Variants in ANKRD26 observed in about 807,000 individuals in gnomAD.
The protein encoded by ANKRD26 is ankyrin repeat domain-containing protein 26.
Under a neutral mutation model 208.7 loss-of-function variants are expected in ANKRD26, and 141 were observed. The observed-to-expected ratio is 0.68, with a 90% CI of 0.59 to 0.78. The LOEUF (loss-of-function observed/expected upper bound fraction) is 0.78. Ranked by LOEUF, ANKRD26 falls within the 30% of genes least tolerant of loss-of-function variation. ANKRD26 has a pLI of 0.00. For synonymous variants in ANKRD26, 636 were observed against 660.4 expected (o/e 0.96, Z 0.57); for missense variants, 1,889 against 1,938.7 (o/e 0.97, Z 0.48).
chr10:26,951,013 C>CTTTTCTTTTTTTTTTGTTTTTTTT, the ANKRD26 span, among the ~76,000 whole-genome samples: 1 of 100,974 alleles, frequency 9.9e-6, no homozygotes, highest in Non-Finnish European at 1.7e-5. Context: ...CTTTTCTTTT[C>CTTTTCTTTTTTTTTTGTTTTTTTT]TTTTTCTTTT....
chr10:26,972,181 G>C (rs2052158175), downstream of ANKRD26, among the ~76,000 whole-genome samples: 1 of 150,196 alleles, frequency 6.7e-6, no homozygotes, highest in South Asian at 2.1e-4. Context: ...CTTGCAGTGA[G>C]CCGAGATCGT....
intron 1 of ANKRD26, among the ~76,000 whole-genome samples, chr10:27,099,867 G>GT (rs919761694): frequency 0.2 from 82 of 418 alleles, no homozygotes; most frequent in African/African-American, 0.35. Context: ...TGCTCTCTAA[G>GT]GGATTTCGGG....
At chr10:26,988,467 C>CTTCCCATCTTCCTGATG (rs2052426123), downstream of ANKRD26, among the ~76,000 whole-genome samples, 1 of 152,098 alleles carries the variant, frequency 6.6e-6, no homozygotes, top group South Asian at 2.1e-4. Flanking sequence ...CATAGAGCCT[C>CTTCCCATCTTCCTGATG]AGGGAAAAAT....
intron 25 of ANKRD26, among the ~76,000 whole-genome samples, chr10:27,032,811 T>C (rs1486728533): frequency 6.7e-6 from 1 of 149,496 alleles, no homozygotes; most frequent in Non-Finnish European, 1.5e-5. Context: ...TGAGACTCTG[T>C]CTCAAAAAAA....
chr10:27,018,892 A>C (rs374884446), intron 29 of ANKRD26, among the ~76,000 whole-genome samples: 5 of 152,354 alleles, frequency 3.3e-5, no homozygotes, highest in East Asian at 1.9e-4. Flanking sequence ...AACTACTAGA[A>C]GAGACAGGGA....
the ANKRD26 span, among the ~76,000 whole-genome samples, chr10:26,949,780 G>A: frequency 6.6e-6 from 1 of 152,186 alleles, no homozygotes; most frequent in African/African-American, 2.4e-5. Flanking sequence ...TGGGATTACA[G>A]GTGTGACCCA....
At chr10:27,048,310 AT>A (rs2054530329) in intron 17 of ANKRD26, among the ~76,000 whole-genome samples, 1 of 152,208 alleles carries the variant, frequency 6.6e-6, no homozygotes, top group Non-Finnish European at 1.5e-5. Context: ...TTATATAAAT[AT>A]CCTTAAAATA....
intron 28 of ANKRD26, among the ~76,000 whole-genome samples, chr10:27,024,008 A>ACACACACACACACACACACAC (rs1564364148): frequency 5.3e-5 from 8 of 151,592 alleles, no homozygotes; most frequent in South Asian, 4.2e-4. Context: ...ACACACACAC[A>ACACACACACACACACACACAC]AAGAGGCAGA....
At position 27,046,499 on chromosome 10, in the gene ANKRD26, C is replaced by T. The variant is rs757009071; in HGVS notation, c.1839G>A (p.Lys613=). The T allele has an allele frequency of 1.2e-6, 2 of 1,613,756 alleles. No individual in the cohort carries two copies. Among genetic ancestry groups the T allele is most frequent in the Non-Finnish European group, 1.7e-6 (2 of 1,179,934 alleles). The change falls in exon 18 of 34, where the codon AAG becomes AAA. Residue 613 remains lysine (K), a synonymous_variant. Coordinates refer to ENST00000376087, the MANE Select transcript of ANKRD26 (RefSeq NM_014915.3). ...YASSGPALQM[K]EVKSTEKEKR... ...TTTCTTTTTCAGTGCTCTTTACTTC[C>T]TTCATTTGCAAGGCAGGACCACTAC...
At chr10:27,034,604 T>C (rs1432710730) in intron 24 of ANKRD26, among the ~76,000 whole-genome samples, 192 bp downstream of exon 24, 6 of 152,192 alleles carry the variant, frequency 3.9e-5, no homozygotes, top group African/African-American at 9.6e-5. Context: ...CAAAATTTCA[T>C]AGATGATACA....
intron 15 of ANKRD26, among the ~76,000 whole-genome samples, chr10:27,055,773 G>A (rs1291539361): frequency 6.6e-6 from 1 of 151,906 alleles, no homozygotes; most frequent in African/African-American, 2.4e-5. Context: ...ACTAATACGG[G>A]GCAGTCCACT....
At chr10:27,029,787 G>A (rs2053803539) in intron 25 of ANKRD26, among the ~76,000 whole-genome samples, 1 of 152,138 alleles carries the variant, frequency 6.6e-6, no homozygotes, top group East Asian at 1.9e-4. Context: ...CCATGGCAAT[G>A]CCAGTGATTA....
intron 30 of ANKRD26, among the ~76,000 whole-genome samples, chr10:27,015,341 C>T (rs1343293254): frequency 6.6e-6 from 1 of 152,200 alleles, no homozygotes; most frequent in African/African-American, 2.4e-5. Flanking sequence ...ATTCTACCTG[C>T]TGGAGCATAA....
downstream of ANKRD26, among the ~76,000 whole-genome samples, chr10:26,972,065 C>G (rs1013265634): frequency 2.0e-5 from 3 of 151,980 alleles, no homozygotes; most frequent in African/African-American, 7.2e-5. Flanking sequence ...GAAACCCCGT[C>G]TCTACTAAAA....
chr10:27,009,003 C>A (rs1450906140), intron 32 of ANKRD26, among the ~76,000 whole-genome samples: 1 of 152,134 alleles, frequency 6.6e-6, no homozygotes, highest in Non-Finnish European at 1.5e-5. Flanking sequence ...CCACGCCCAG[C>A]TAATTTTTGT....
chr10:27,022,883 T>A (rs1021252341), intron 28 of ANKRD26, among the ~76,000 whole-genome samples, 196 bp from the exon 29 acceptor site: 2 of 152,236 alleles, frequency 1.3e-5, no homozygotes, highest in South Asian at 4.1e-4. Context: ...AAAAATTATA[T>A]GACATATATG....
At chr10:26,955,868 A>G in the ANKRD26 span, among the ~76,000 whole-genome samples, 1 of 152,232 alleles carries the variant, frequency 6.6e-6, no homozygotes, top group Admixed American at 6.5e-5. Context: ...ATTTTTTTCA[A>G]TCTCCTTCCC....
Position 27,005,024 on chromosome 10 carries a change from C to A in ANKRD26, c.*566G>T, listed in dbSNP as rs149300287. On this transcript the variant is annotated 3_prime_UTR_variant, in exon 34 of 34. Transcript: ENST00000376087. ...GGAGAAAGTCTTTGTACTAAAACTT[C>A]GAAATTTTCTCTAAACTGAAGGCTA... is the stretch of plus-strand genomic sequence containing the variant. 1 of 983,694 alleles carries A rather than the reference C, an allele frequency of 1.0e-6. No homozygotes were observed. The highest frequency in any genetic ancestry group is 1.2e-6 in the Non-Finnish European group (1 of 828,478). 60.9% of individuals were successfully genotyped at this position (983,694 alleles called of 1,614,324 possible).
In ANKRD26 at chr10:27,024,511, A is replaced by G; in HGVS notation, c.4021T>C (p.Ser1341Pro). ...TCTTGATCCAAATTACATTCCAGTG[A>G]CTGTTTTAATTCCATAAGTTTCTTT... ...QLKKLMELKQ[S>P]LECNLDQEMK... The change falls in exon 28 of 34, where the codon TCA becomes CCA. Residue 1341 changes from serine (S) to proline (P), a missense_variant. By Grantham distance (74) the Ser-to-Pro change is moderately conservative. Around this residue, in one of 3 missense-constraint regions of ANKRD26, gnomAD observed 613 missense variants for 648.2 expected, o/e 0.95. Coordinates refer to ENST00000376087, the MANE Select transcript of ANKRD26 (RefSeq NM_014915.3). 6.3e-7 allele frequency: 1 copy of G among 1,587,534 alleles called. No individual in the cohort carries two copies. The highest frequency in any genetic ancestry group is 8.6e-7 in the Non-Finnish European group (1 of 1,158,452).
Sources: gnomAD v4.1 joint callset for allele counts (sites outside exome capture counted in the v4.1 genomes callset) on GRCh38, gnomAD v4.1.1 for gene constraint, gnomAD v4.1.1 regional missense constraint, MANE v1.5 for transcripts, NCBI Gene and HGNC (gene_info 2026-07-23, HGNC 2026-07-21) for gene names.